The following DDX52 variants were observed in gnomAD, a reference collection of about 807,000 sequenced individuals.
DDX52 encodes probable ATP-dependent RNA helicase DDX52.
Under a neutral mutation model 76.1 loss-of-function variants are expected in DDX52, and 59 were observed. That is an observed-to-expected ratio of 0.78 (90% CI 0.63 to 0.96). DDX52 has a LOEUF of 0.96. Among genes scored for constraint, DDX52 ranks in the 40% least tolerant of loss-of-function variants. The pLI, the probability that DDX52 is intolerant of heterozygous loss-of-function variation, is 0.00. For synonymous variants in DDX52, 231 were observed against 244.1 expected (o/e 0.95, Z 0.50); for missense variants, 707 against 703.9 (o/e 1.00, Z -0.05).
In DDX52 at chr17:37,625,922, T is replaced by C. The variant is rs137989328; in HGVS notation, c.1109A>G (p.Asn370Ser). ...TGCTCCAATGGACACACTGATGACA[T>C]TGTCCAGGTTGAGTTTGCACCACTG... ...VEQWCKLNLDNVISVSIGARN... is the reference protein window; with the variant it reads ...VEQWCKLNLDSVISVSIGARN... Residue 370 changes from asparagine to serine, a missense_variant, in exon 8 of 15, where the codon AAT becomes AGT. By Grantham distance (46) the Asn-to-Ser change is conservative (BLOSUM62 1). Transcript: ENST00000617633. 1.4e-5 allele frequency: 23 copies of C among 1,614,060 alleles called. No homozygotes were observed. In the African/African-American group the frequency reaches 2.0e-4, roughly 14 times the overall value.
rs370045887 is a variant in DDX52, at chr17:37,630,182, A to C, written c.604-9T>G. On this transcript the variant is annotated splice_polypyrimidine_tract_variant and intron_variant, in intron 4 of 14. Transcript: ENST00000617633. ...GCCAGAAGTTCCCGACCCTAAAAACATAGGGTATATTAAATACTACAAAGA... is the reference window on the plus strand; with the variant it reads ...GCCAGAAGTTCCCGACCCTAAAAACCTAGGGTATATTAAATACTACAAAGA... The C allele has an allele frequency of 6.2e-7, 1 of 1,600,420 alleles. No individual in the cohort carries two copies. Among genetic ancestry groups the C allele is most frequent in the Admixed American group, 1.8e-5 (1 of 55,912 alleles).
chr17:37,629,270 C>T (rs1568605264), intron 5 of DDX52, among the ~76,000 whole-genome samples: 1 of 132,180 alleles, frequency 7.6e-6, no homozygotes, highest in East Asian at 2.5e-4. Context: ...CACACACACA[C>T]ACACACATAG....
intron 2 of DDX52, 32 bp downstream of exon 2, chr17:37,642,078 G>C: frequency 6.2e-7 from 1 of 1,606,900 alleles, no homozygotes; most frequent in South Asian, 1.1e-5. Flanking sequence ...AAAAATTAAA[G>C]AGAAAAAACA....
chr17:37,635,356 C>T (rs2147363773), intron 2 of DDX52, among the ~76,000 whole-genome samples: 1 of 152,350 alleles, frequency 6.6e-6, no homozygotes, highest in African/African-American at 2.4e-5. Context: ...CAGATTTCCT[C>T]ATGACACCTT....
At position 37,618,306 on chromosome 17, in the gene DDX52, T is replaced by G. The variant is rs774210585; in HGVS notation, c.1728A>C (p.Lys576Asn). Residue 576 changes from lysine to asparagine, a missense_variant, in exon 14 of 15, where the codon AAA (lysine) becomes AAC (asparagine). By Grantham distance (94) the Lys-to-Asn change is moderately conservative. Coordinates refer to ENST00000617633, the MANE Select transcript of DDX52 (RefSeq NM_007010.5). ...ISTTPKCFLE[K>N]AKDKQKKVTG... ...CACATACTTACTGTTTATCCTTAGC[T>G]TTTTCTAAGAAACATTTTGGAGTTG... 6.3e-7 allele frequency: 1 copy of G among 1,599,792 alleles called. No individual in the cohort carries two copies. Among genetic ancestry groups the G allele is most frequent in the African/African-American group, 1.4e-5 (1 of 73,842 alleles).
Position 37,621,169 on chromosome 17 carries a change from A to T in DDX52, c.1459T>A (p.Tyr487Asn), listed in dbSNP as rs747612415. 1 of 1,613,558 alleles carries T rather than the reference A, an allele frequency of 6.2e-7. No homozygotes were observed. The highest frequency in any genetic ancestry group is 8.5e-7 in the Non-Finnish European group (1 of 1,179,830). Reference protein sequence around the residue: ...DFKGVNLVINYDFPTSSVEYI... With the variant: ...DFKGVNLVINNDFPTSSVEYI... Reference sequence around the variant, plus strand: ...TCCACTGAGCTAGTTGGAAAGTCATAGTTGATCACCAAGTTCACACCTTTA... The same window carrying T: ...TCCACTGAGCTAGTTGGAAAGTCATTGTTGATCACCAAGTTCACACCTTTA... The change falls in exon 11 of 15, where the codon TAT becomes AAT. Residue 487 changes from tyrosine (Y) to asparagine (N), a missense_variant. Coordinates refer to ENST00000617633, the MANE Select transcript of DDX52 (RefSeq NM_007010.5).
intron 2 of DDX52, among the ~76,000 whole-genome samples, chr17:37,641,335 G>C (rs1420975773): frequency 6.6e-6 from 1 of 151,730 alleles, no homozygotes; most frequent in African/African-American, 2.4e-5. Context: ...CCAGGAGGCG[G>C]AGCTTGCAGT....
At position 37,628,687 on chromosome 17, in the gene DDX52, ATT is replaced by A; in HGVS notation, c.748-17_748-16del. The A allele has an allele frequency of 2.0e-6, 3 of 1,515,934 alleles. No homozygotes were observed. The highest frequency in any genetic ancestry group is 1.8e-6 in the Non-Finnish European group (2 of 1,112,014). 93.9% of individuals were successfully genotyped at this position (1,515,934 alleles called of 1,614,324 possible). Reference sequence around the variant, plus strand: ...TCTCTGTGAATCTAAAAAAAAAAAGATTAAAAACATTAGCTGCTAACATACTT... The same window carrying A: ...TCTCTGTGAATCTAAAAAAAAAAAGAAAAAACATTAGCTGCTAACATACTT... On this transcript the variant is annotated splice_polypyrimidine_tract_variant and intron_variant, in intron 5 of 14. Coordinates refer to ENST00000617633, the MANE Select transcript of DDX52 (RefSeq NM_007010.5).
chr17:37,629,924 C>T (rs2030592636), intron 5 of DDX52, 106 bp downstream of exon 5: 1 of 1,471,246 alleles, frequency 6.8e-7, no homozygotes, highest in Non-Finnish European at 9.1e-7. Flanking sequence ...TTGACCATGA[C>T]AGAAGACGTG....
chr17:37,626,776 T>C lies in DDX52; in HGVS notation c.932+12A>G. The C allele has an allele frequency of 6.2e-7, 1 of 1,600,006 alleles. No homozygotes were observed. Among genetic ancestry groups the C allele is most frequent in the Non-Finnish European group, 8.5e-7 (1 of 1,173,970 alleles). On this transcript the variant is annotated intron_variant, in intron 7 of 14. Coordinates refer to ENST00000617633, the MANE Select transcript of DDX52 (RefSeq NM_007010.5). ...AAAATACACACGAAAGACATGAAAA[T>C]ATCATCTATACCTTGCTAGGTCGAT...
rs371624202 is a variant in DDX52 at position 37,621,281 on chromosome 17, G to A, written c.1351-4C>T. The A allele has an allele frequency of 1.6e-4, 262 of 1,605,770 alleles. No individual in the cohort carries two copies. Among genetic ancestry groups the A allele is most frequent in the Admixed American group, 2.3e-4 (13 of 57,642 alleles). On this transcript the variant is annotated splice_region_variant and splice_polypyrimidine_tract_variant and intron_variant, in intron 10 of 14. Transcript: ENST00000617633. ...AACTGTGGACTGTGTTATCTCTCTGGTTAACAGAATATATATTAAATTGTT... is the reference window on the plus strand; with the variant it reads ...AACTGTGGACTGTGTTATCTCTCTGATTAACAGAATATATATTAAATTGTT...
intron 2 of DDX52, among the ~76,000 whole-genome samples, chr17:37,638,447 T>A (rs2031032251): frequency 1.3e-5 from 2 of 152,212 alleles, no homozygotes; most frequent in Admixed American, 1.3e-4. Context: ...AGTATTGGTG[T>A]ACAAATACAG....
chr17:37,641,497 G>T (rs1449982432), intron 2 of DDX52, among the ~76,000 whole-genome samples: 3 of 152,128 alleles, frequency 2.0e-5, no homozygotes, highest in Non-Finnish European at 2.9e-5. Context: ...CCGGCACTTT[G>T]GGGGGCCAAA....
Position 37,620,441 on chromosome 17 carries a change from C to A in DDX52, c.1577+432G>T, listed in dbSNP as rs529325462. 3.5e-4 allele frequency: 59 copies of A among 166,990 alleles called. 3 individuals are homozygous for A. The South Asian group carries it at 9.5e-3, about 27-fold the overall frequency. 10.3% of individuals were successfully genotyped at this position (166,990 alleles called of 1,614,324 possible). On this transcript the variant is annotated intron_variant, in intron 12 of 14. Transcript: ENST00000617633. ...GCTGACAGGTGGCAGAGCCAAAGCT[C>A]AGAAAGCACAACCAAAATATTTACC... is the stretch of plus-strand genomic sequence containing the variant.
Position 37,640,011 on chromosome 17 carries a change from T to C in DDX52, c.286+2099A>G, listed in dbSNP as rs141457984. On this transcript the variant is annotated intron_variant, in intron 2 of 14. Coordinates refer to ENST00000617633, the MANE Select transcript of DDX52 (RefSeq NM_007010.5). ...AATGCCCACACAGTAACATGTCAAA[T>C]TGATCATGGGGCATCCCTACAATGT... Among the ~76,000 whole-genome samples the C allele has an allele frequency of 2.4e-3, 361 of 152,308 alleles. 2 individuals carry two copies. The highest frequency in any genetic ancestry group is 2.2e-3 in the Non-Finnish European group (153 of 68,036).
At chr17:37,639,054 G>A (rs2031064567) in intron 2 of DDX52, among the ~76,000 whole-genome samples, 1 of 152,008 alleles carries the variant, frequency 6.6e-6, no homozygotes, top group Non-Finnish European at 1.5e-5. Context: ...TTACAGAAGT[G>A]AGCCACTGCA....
chr17:37,631,903 A>G, intron 4 of DDX52: 1 of 597,936 alleles, frequency 1.7e-6, no homozygotes, highest in Non-Finnish European at 2.9e-6. Context: ...TGTGGGGGAA[A>G]GGGTACTAGA....
At chr17:37,614,875 A>G (rs993315670) in intron 14 of DDX52, 19 of 152,444 alleles carry the variant, frequency 1.2e-4, no homozygotes, top group African/African-American at 2.4e-5. Context: ...AAAGGAAAAA[A>G]GTTTTGAGAA....
intron 2 of DDX52, among the ~76,000 whole-genome samples, chr17:37,641,195 G>A (rs1326139420): frequency 6.6e-6 from 1 of 152,130 alleles, no homozygotes; most frequent in East Asian, 1.9e-4. Flanking sequence ...AAGGTCAGGA[G>A]ATCGAGACCA....
Sources: gnomAD v4.1 joint callset for allele counts (sites outside exome capture counted in the v4.1 genomes callset) on GRCh38, gnomAD v4.1.1 for gene constraint, MANE v1.5 for transcripts, NCBI Gene and HGNC (gene_info 2026-07-23, HGNC 2026-07-21) for gene names.